ROBO2: variants seen among roughly 807,000 people sequenced by gnomAD.
ROBO2 encodes the protein roundabout guidance receptor 2, also known as roundabout homolog 2.
In ROBO2, 53 loss-of-function variants were observed where a neutral mutation model predicts 160.8. The ratio of observed to expected loss-of-function variants is 0.33; its 90% CI spans 0.26 to 0.41. ROBO2 has a LOEUF of 0.41. Ranked by LOEUF, ROBO2 falls within the 10% of genes least tolerant of loss-of-function variation. The pLI is 1.00. For synonymous variants in ROBO2, 664 were observed against 611.7 expected, an observed-to-expected ratio of 1.09 and a Z score of -1.26; for missense variants, 1,577 against 1,722.4, an observed-to-expected ratio of 0.92 and a Z score of 1.49.
chr3:76,500,361 C>A (rs1055747295), intron 2 of ROBO2, among the ~76,000 whole-genome samples: 1 of 152,162 alleles, frequency 6.6e-6, no homozygotes, highest in Non-Finnish European at 1.5e-5. Context: ...AGTCTACCCA[C>A]CTGGGCCTCC....
chr3:76,245,941 G>T (rs568849562), intron 2 of ROBO2, among the ~76,000 whole-genome samples: 29 of 152,238 alleles, frequency 1.9e-4, no homozygotes, highest in Non-Finnish European at 2.2e-4. Flanking sequence ...GAATTAGAAT[G>T]ACCCAAGAGC....
intron 1 of ROBO2, among the ~76,000 whole-genome samples, chr3:77,094,636 T>G (rs987614059): frequency 6.6e-6 from 1 of 152,202 alleles, no homozygotes; most frequent in Admixed American, 6.5e-5. Context: ...ACTGTATGAT[T>G]TAAATTCACA....
At chr3:76,930,950 A>G (rs961213610) in intron 2 of ROBO2, among the ~76,000 whole-genome samples, 1 of 152,228 alleles carries the variant, frequency 6.6e-6, no homozygotes, top group Non-Finnish European at 1.5e-5. Flanking sequence ...GGCATCCCTT[A>G]GCCCAGTCAA....
intron 2 of ROBO2, among the ~76,000 whole-genome samples, chr3:77,376,857 C>T (rs1216122359): frequency 6.6e-6 from 1 of 152,160 alleles, no homozygotes; most frequent in African/African-American, 2.4e-5. Context: ...CCATTTCTAC[C>T]CTTTCTATTA....
At chr3:76,615,218 A>C (rs2088484004) in intron 2 of ROBO2, among the ~76,000 whole-genome samples, 1 of 151,338 alleles carries the variant, frequency 6.6e-6, no homozygotes, top group African/African-American at 2.4e-5. Context: ...TGGTTTATTT[A>C]TTGCTGCTCT....
intron 15 of ROBO2, 24 bp downstream of exon 16, chr3:77,577,638 A>C (rs781102759): frequency 1.2e-6 from 2 of 1,612,756 alleles, no homozygotes; most frequent in South Asian, 2.2e-5. Context: ...GAAGAAGGAC[A>C]GCTCTCATGT....
At chr3:76,334,702 G>A (rs1356820679) in intron 2 of ROBO2, among the ~76,000 whole-genome samples, 1 of 152,162 alleles carries the variant, frequency 6.6e-6, no homozygotes, top group Non-Finnish European at 1.5e-5. Context: ...CTAAGTGTCG[G>A]TGTTTCTCCT....
intron 24 of ROBO2, 82 bp from the exon 26 acceptor site, chr3:77,642,589 C>A: frequency 7.5e-6 from 3 of 398,356 alleles, no homozygotes; most frequent in South Asian, 1.9e-5. Context: ...TGTATAAGGG[C>A]AAAGATTTTC....
At chr3:76,434,432 A>T in intron 2 of ROBO2, 1 of 1,559,872 alleles carries the variant, frequency 6.4e-7, no homozygotes, top group South Asian at 1.1e-5. Flanking sequence ...CTGGGTGGCT[A>T]TGGCCCCCAA....
intron 2 of ROBO2, among the ~76,000 whole-genome samples, chr3:76,170,001 C>T (rs922911935): frequency 1.3e-5 from 2 of 152,032 alleles, no homozygotes; most frequent in Non-Finnish European, 2.9e-5. Flanking sequence ...AGGATGGTCT[C>T]GATCTCCTGA....
At chr3:76,157,463 G>GTA (rs1247122734) in intron 2 of ROBO2, among the ~76,000 whole-genome samples, 2 of 152,160 alleles carry the variant, frequency 1.3e-5, no homozygotes, top group Non-Finnish European at 2.9e-5. Flanking sequence ...TAATCTGTGA[G>GTA]TATATAATCA....
intron 2 of ROBO2, among the ~76,000 whole-genome samples, chr3:76,955,259 T>C (rs2079176131): frequency 6.6e-6 from 1 of 152,236 alleles, no homozygotes; most frequent in African/African-American, 2.4e-5. Context: ...CCATGTTGTT[T>C]ATCCACTCAT....
intron 2 of ROBO2, among the ~76,000 whole-genome samples, chr3:76,133,237 G>A (rs992930468): frequency 1.3e-5 from 2 of 151,980 alleles, no homozygotes; most frequent in East Asian, 1.9e-4. Flanking sequence ...AATATAAGAA[G>A]GGAAATATAC....
At chr3:77,212,404 G>T (rs2084297219) in intron 2 of ROBO2, among the ~76,000 whole-genome samples, 1 of 152,180 alleles carries the variant, frequency 6.6e-6, no homozygotes, top group South Asian at 2.1e-4. Flanking sequence ...AAGAATGCTT[G>T]TGATTTTTGG....
intron 2 of ROBO2, among the ~76,000 whole-genome samples, chr3:76,086,010 G>C (rs566423557): frequency 1.3e-5 from 2 of 152,146 alleles, no homozygotes; most frequent in African/African-American, 4.8e-5. Context: ...GGGACTAACC[G>C]TTTGGGGTAT....
chr3:76,903,949 A>AGAAAAC (rs2075413827), intron 2 of ROBO2, among the ~76,000 whole-genome samples: 1 of 152,072 alleles, frequency 6.6e-6, no homozygotes, highest in Non-Finnish European at 1.5e-5. Flanking sequence ...AAAAAGAAAA[A>AGAAAAC]GAAAAAGAAA....
chr3:77,020,310 T>C (rs1325885301), intron 2 of ROBO2, among the ~76,000 whole-genome samples: 1 of 152,176 alleles, frequency 6.6e-6, no homozygotes, highest in East Asian at 1.9e-4. Context: ...GAGAGAACTT[T>C]TTATATATAA....
At chr3:77,045,603 A>G (rs1250750689) in intron 1 of ROBO2, among the ~76,000 whole-genome samples, 1 of 152,152 alleles carries the variant, frequency 6.6e-6, no homozygotes, top group East Asian at 1.9e-4. Context: ...ATCACAGTAA[A>G]TGGCTTCCAC....
At chr3:76,072,798 C>T (rs1254470451) in intron 2 of ROBO2, among the ~76,000 whole-genome samples, 2 of 152,244 alleles carry the variant, frequency 1.3e-5, no homozygotes, top group East Asian at 1.9e-4. Flanking sequence ...GCGATGTTCA[C>T]GAAACCCCAG....
Sources: allele counts gnomAD v4.1 joint callset (sites outside exome capture counted in the v4.1 genomes callset), GRCh38; gene constraint gnomAD v4.1.1; transcripts MANE v1.5; gene names NCBI Gene and HGNC (gene_info 2026-07-23, HGNC 2026-07-21).